Variants in PCDH7 observed in about 807,000 individuals in gnomAD.
The protein encoded by PCDH7 is protocadherin-7.
Under a neutral mutation model 58.9 loss-of-function variants are expected in PCDH7, and 17 were observed. That is an observed-to-expected ratio of 0.29 (90% confidence interval 0.20 to 0.43). The LOEUF is 0.43. Ranked by LOEUF, PCDH7 falls within the 20% of genes least tolerant of loss-of-function variation. The probability of loss-of-function intolerance (pLI) is 1.00; values close to 1 mark genes in which losing one functional copy is unlikely to be tolerated. For synonymous variants in PCDH7, 664 were observed against 616.4 expected (o/e 1.08, Z -1.14); for missense variants, 1,274 against 1,441.0 (o/e 0.88, Z 1.88).
intron 3 of PCDH7, among the ~76,000 whole-genome samples, chr4:31,075,738 C>T (rs1758931731): frequency 6.6e-6 from 1 of 152,150 alleles, no homozygotes; most frequent in Admixed American, 6.5e-5. Context: ...CATCTATAAC[C>T]ACCTTAAATT....
chr4:30,987,923 A>G (rs1751120584), intron 3 of PCDH7: 1 of 152,152 alleles, frequency 6.6e-6, no homozygotes, highest in Non-Finnish European at 1.5e-5. Context: ...ATTAGGGGAC[A>G]TTTAATTTCT....
chr4:30,849,606 A>C (rs1578037941), intron 1 of PCDH7, among the ~76,000 whole-genome samples: 1 of 152,138 alleles, frequency 6.6e-6, no homozygotes, highest in Admixed American at 6.6e-5. Flanking sequence ...TAATTTTGTA[A>C]GTTTATTTTA....
At chr4:31,134,172 G>A (rs908429415) in intron 3 of PCDH7, among the ~76,000 whole-genome samples, 4 of 152,094 alleles carry the variant, frequency 2.6e-5, no homozygotes, top group Admixed American at 6.6e-5. Context: ...TATAAAAGAA[G>A]TAGAATGGGC....
chr4:30,981,354 A>G (rs1578480666), intron 3 of PCDH7, among the ~76,000 whole-genome samples: 1 of 152,300 alleles, frequency 6.6e-6, no homozygotes, highest in East Asian at 1.9e-4. Context: ...AAGTTTATTG[A>G]CAGTAGATTA....
intron 3 of PCDH7, among the ~76,000 whole-genome samples, chr4:31,099,955 G>T (rs914480610): frequency 2.7e-5 from 4 of 149,692 alleles, no homozygotes; most frequent in African/African-American, 9.8e-5. Context: ...ACATTATGAG[G>T]CTCAGATAAA....
At chr4:31,120,550 T>G (rs1717566735) in intron 3 of PCDH7, among the ~76,000 whole-genome samples, 1 of 151,996 alleles carries the variant, frequency 6.6e-6, no homozygotes, top group South Asian at 2.1e-4. Flanking sequence ...GCTTTCCTTA[T>G]TTTATTTCCT....
At chr4:31,133,609 G>A (rs995832989) in intron 3 of PCDH7, among the ~76,000 whole-genome samples, 2 of 152,086 alleles carry the variant, frequency 1.3e-5, no homozygotes, top group African/African-American at 4.8e-5. Context: ...CATGAGTACC[G>A]CTGCTGTCTC....
chr4:30,790,048 A>C (rs1723915726), intron 1 of PCDH7, among the ~76,000 whole-genome samples: 1 of 152,210 alleles, frequency 6.6e-6, no homozygotes, highest in South Asian at 2.1e-4. Context: ...TAAAAATGTC[A>C]CTAAAATATA....
chr4:31,009,074 G>C (rs1342570780), intron 3 of PCDH7, among the ~76,000 whole-genome samples: 1 of 152,086 alleles, frequency 6.6e-6, no homozygotes, highest in Non-Finnish European at 1.5e-5. Flanking sequence ...TGACACATAA[G>C]TGAAAGGCAT....
Position 31,028,509 on chromosome 4 carries a change from T to C in PCDH7, c.*7+78294T>C, listed in dbSNP as rs575581142. Among the ~76,000 whole-genome samples the C allele has an allele frequency of 2.9e-3, 442 of 152,188 alleles. 6 individuals carry two copies. Among genetic ancestry groups the C allele is most frequent in the Non-Finnish European group, 3.6e-3 (243 of 68,010 alleles). ...TAAAAATAAAATAAAATTTAAAAAT[T>C]CACCAGTCATGGTGGTACACCTGTA... On this transcript the variant is annotated intron_variant, in intron 3 of 3. Coordinates refer to the PCDH7 transcript ENST00000509759.
At chr4:30,850,027 C>T (rs1341184371) in intron 1 of PCDH7, among the ~76,000 whole-genome samples, 1 of 152,096 alleles carries the variant, frequency 6.6e-6, no homozygotes, top group Non-Finnish European at 1.5e-5. Context: ...CTTTGGCTAA[C>T]CTTTTCTTCT....
rs1756033555 is a variant in PCDH7, at chr4:31,043,358, A to G, written c.*7+93143A>G. On this transcript the variant is annotated intron_variant, in intron 3 of 3. Coordinates refer to the PCDH7 transcript ENST00000509759. ...GCCTCTAGGTCTCTGAGGAATTGCC[A>G]CACTGTCTTCCACAATGTTTGAACT... is the stretch of plus-strand genomic sequence containing the variant. Among the ~76,000 whole-genome samples the G allele has an allele frequency of 3.3e-5, 5 of 152,268 alleles. No individual in the cohort carries two copies. The South Asian group carries it at 1.0e-3, about 32-fold the overall frequency.
intron 1 of PCDH7, among the ~76,000 whole-genome samples, chr4:30,838,570 C>T (rs1315277295): frequency 6.6e-6 from 1 of 152,128 alleles, no homozygotes; most frequent in African/African-American, 2.4e-5. Flanking sequence ...GAAAGCTTAT[C>T]TAGAAAAACA....
intron 1 of PCDH7, among the ~76,000 whole-genome samples, chr4:30,894,512 TATATACACAC>T (rs1173258756): frequency 0.025 from 1,273 of 50,276 alleles, 59 homozygotes; most frequent in African/African-American, 0.11. Context: ...TATATATATA[TATATACACAC>T]ACACACACAC....
intron 1 of PCDH7, among the ~76,000 whole-genome samples, chr4:30,750,869 A>G (rs1718420704): frequency 1.3e-5 from 2 of 152,200 alleles, no homozygotes; most frequent in African/African-American, 4.8e-5. Context: ...GTACTATGAT[A>G]GAGAATGGAA....
rs376342535 is a variant in PCDH7 at position 30,813,014 on chromosome 4, A to T, written c.70+88418A>T. 5.4e-4 allele frequency among the ~76,000 whole-genome samples: 83 copies of T among 152,336 alleles called. 1 individual carries two copies. Among genetic ancestry groups the T allele is most frequent in the Middle Eastern group, 6.8e-3 (2 of 294 alleles). ...AGGGAGATGAGGCAACTCAATCAGA[A>T]TTCCAGTGTCTAGCTCTATCCTGAC... On this transcript the variant is annotated intron_variant, in intron 1 of 3. Coordinates refer to the PCDH7 transcript ENST00000509759.
chr4:31,087,864 T>C (rs1156372486), intron 3 of PCDH7, among the ~76,000 whole-genome samples: 1 of 152,112 alleles, frequency 6.6e-6, no homozygotes. Flanking sequence ...TAACATGTAG[T>C]AGGTGCTCAA....
intron 1 of PCDH7, among the ~76,000 whole-genome samples, chr4:30,798,603 A>G (rs969241485): frequency 6.6e-6 from 1 of 152,206 alleles, no homozygotes; most frequent in African/African-American, 2.4e-5. Flanking sequence ...TAAACTATTT[A>G]TGTGTGATGA....
At chr4:30,846,333 G>T (rs1731941503) in intron 1 of PCDH7, among the ~76,000 whole-genome samples, 2 of 152,154 alleles carry the variant, frequency 1.3e-5, no homozygotes, top group South Asian at 4.2e-4. Context: ...TAGAATAGTG[G>T]ATTTCTGATA....
Sources: gnomAD v4.1 joint callset for allele counts (sites outside exome capture counted in the v4.1 genomes callset) on GRCh38, gnomAD v4.1.1 for gene constraint, MANE v1.5 for transcripts, NCBI Gene and HGNC (gene_info 2026-07-23, HGNC 2026-07-21) for gene names.